Variants in NMNAT2 observed in about 807,000 individuals in gnomAD.
NMNAT2 encodes nicotinamide/nicotinic acid mononucleotide adenylyltransferase 2.
Under a neutral mutation model 41.6 loss-of-function variants are expected in NMNAT2, and 11 were observed. The observed-to-expected ratio is 0.26, with a 90% confidence interval of 0.17 to 0.44. The LOEUF (loss-of-function observed/expected upper bound fraction) is 0.44. NMNAT2 is among the 20% of genes least tolerant of loss of function. The pLI is 1.00. For synonymous variants in NMNAT2, 148 were observed against 151.2 expected (o/e 0.98, Z 0.16); for missense variants, 288 against 407.7 (o/e 0.71, Z 2.53).
rs540542117 is a variant in NMNAT2, at chr1:183,368,902, T to C, written c.85+49281A>G. Among the ~76,000 whole-genome samples the C allele has an allele frequency of 2.6e-5, 4 of 152,338 alleles. No individual in the cohort carries two copies. In the South Asian group the frequency reaches 8.3e-4, roughly 32 times the overall value. The stretch of plus-strand genomic sequence containing the variant: ...CAAAATGGGGCAATTTAGCAAGCAG[T>C]GTTCCATTTATAACCTTGCTGCTCA... On this transcript the variant is annotated intron_variant, in intron 1 of 10. Transcript: ENST00000287713.
At chr1:183,331,579 T>TGG (rs1662586301) in intron 1 of NMNAT2, among the ~76,000 whole-genome samples, 1 of 152,188 alleles carries the variant, frequency 6.6e-6, no homozygotes, top group Non-Finnish European at 1.5e-5. Context: ...CCTGCCTTTC[T>TGG]GGGGGCTCCC....
chr1:183,418,232 G>T lies in NMNAT2; in HGVS notation c.36C>A (p.Leu12=), dbSNP rs1649309071. ...TETTKTHVIL[L]ACGSFNPITK... The stretch of plus-strand genomic sequence containing the variant: ...TGATGGGATTGAAGCTGCCGCAGGC[G>T]AGCAAGATAACGTGGGTCTTGGTGG... Residue 12 remains leucine, a synonymous_variant, in exon 1 of 11, where the codon CTC becomes CTA. Transcript: ENST00000287713. 6.2e-7 allele frequency: 1 copy of T among 1,614,116 alleles called. No individual in the cohort carries two copies. Among genetic ancestry groups the T allele is most frequent in the African/African-American group, 1.3e-5 (1 of 75,010 alleles).
At chr1:183,404,099 A>ATTTTT (rs10655990) in intron 1 of NMNAT2, among the ~76,000 whole-genome samples, 3 of 138,494 alleles carry the variant, frequency 2.2e-5, no homozygotes, top group Non-Finnish European at 3.1e-5. Context: ...CAGAAATGTA[A>ATTTTT]TTTTTTTTTT....
intron 10 of NMNAT2, among the ~76,000 whole-genome samples, chr1:183,256,090 C>T (rs573951697): frequency 6.6e-6 from 1 of 152,156 alleles, no homozygotes; most frequent in South Asian, 2.1e-4. Context: ...ATAATGTTAG[C>T]TGTGGGTTTT....
chr1:183,383,371 T>C (rs546411418), intron 1 of NMNAT2, among the ~76,000 whole-genome samples: 2 of 152,344 alleles, frequency 1.3e-5, no homozygotes, highest in East Asian at 3.9e-4. Flanking sequence ...AATTTTCCCA[T>C]TATCTTGGCT....
chr1:183,399,797 A>G (rs1363511877), intron 1 of NMNAT2, among the ~76,000 whole-genome samples: 1 of 152,212 alleles, frequency 6.6e-6, no homozygotes, highest in African/African-American at 2.4e-5. Flanking sequence ...TATAAACAGA[A>G]CCAAAGACAA....
intron 5 of NMNAT2, among the ~76,000 whole-genome samples, chr1:183,285,820 A>C (rs1439844072): frequency 2.6e-5 from 4 of 152,216 alleles, no homozygotes; most frequent in African/African-American, 7.2e-5. Context: ...GCATTAAATA[A>C]GAACGCAGGT....
At position 183,261,974 on chromosome 1, in the gene NMNAT2, G is replaced by A. The variant is rs117098104; in HGVS notation, c.652-671C>T. Reference sequence around the variant, plus strand: ...ATGGTCTCAGTCTGTCACCCAGGCTGGAGTGCAGTGGCAAGATCATGGCTC... The same window carrying A: ...ATGGTCTCAGTCTGTCACCCAGGCTAGAGTGCAGTGGCAAGATCATGGCTC... On this transcript the variant is annotated intron_variant, in intron 8 of 10. Coordinates refer to ENST00000287713, the MANE Select transcript of NMNAT2 (RefSeq NM_015039.4). 2.0e-5 allele frequency among the ~76,000 whole-genome samples: 3 copies of A among 152,062 alleles called. No individual in the cohort carries two copies. The East Asian group carries it at 5.8e-4, about 29-fold the overall frequency.
chr1:183,395,178 G>A (rs745870375), intron 1 of NMNAT2, among the ~76,000 whole-genome samples: 3 of 152,112 alleles, frequency 2.0e-5, no homozygotes, highest in Admixed American at 6.5e-5. Flanking sequence ...TGAAAGGATA[G>A]GCTATAACCT....
In NMNAT2 at chr1:183,303,522, T is replaced by C. The variant is rs149846069; in HGVS notation, c.86-9729A>G. Among the ~76,000 whole-genome samples the C allele has an allele frequency of 7.9e-4, 121 of 152,328 alleles. 3 individuals carry two copies. In the East Asian group the frequency reaches 0.022, roughly 27 times the overall value. On this transcript the variant is annotated intron_variant, in intron 1 of 10. Coordinates refer to ENST00000287713, the MANE Select transcript of NMNAT2 (RefSeq NM_015039.4). ...AGGAAGTGGCTTTTGGAATTTGAAG[T>C]GGGATTTGAACACAGAATTTTTGAC...
chr1:183,325,766 T>G (rs1317713250), intron 1 of NMNAT2, among the ~76,000 whole-genome samples: 1 of 152,148 alleles, frequency 6.6e-6, no homozygotes, highest in Non-Finnish European at 1.5e-5. Context: ...CAAACAATAG[T>G]GAAATCATGT....
rs71127343 is a variant in NMNAT2, at chr1:183,337,569, C to CAAAAA, written c.86-43781_86-43777dup. Reference sequence around the variant, plus strand: ...AATCTTAACCACCTCCTCTCCACAGCAAAAAAAAAAAAAAAAAAAATACCA... The same window carrying CAAAAA: ...AATCTTAACCACCTCCTCTCCACAGCAAAAAAAAAAAAAAAAAAAAAAAAATACCA... On this transcript the variant is annotated intron_variant, in intron 1 of 10. Transcript: ENST00000287713. 1.2e-3 allele frequency among the ~76,000 whole-genome samples: 124 copies of CAAAAA among 100,536 alleles called. 4 individuals are homozygous for CAAAAA. The highest frequency in any genetic ancestry group is 0.012 in the Middle Eastern group (2 of 168). 66.0% of individuals were successfully genotyped at this position (100,536 alleles called of 152,430 possible).
chr1:183,271,651 GCAAGTGCC>G (rs756295725), intron 8 of NMNAT2, among the ~76,000 whole-genome samples: 2 of 152,084 alleles, frequency 1.3e-5, no homozygotes, highest in Non-Finnish European at 2.9e-5. Flanking sequence ...CTTTTAGACT[GCAAGTGCC>G]TCAAGGATAA....
chr1:183,378,365 GC>G (rs1324826480), intron 1 of NMNAT2, among the ~76,000 whole-genome samples: 1 of 151,508 alleles, frequency 6.6e-6, no homozygotes, highest in Non-Finnish European at 1.5e-5. Flanking sequence ...TTGCACTCCA[GC>G]CTGGGCAACA....
intron 1 of NMNAT2, among the ~76,000 whole-genome samples, chr1:183,341,191 G>A (rs595742): frequency 0.71 from 107,029 of 151,576 alleles, 37,912 homozygotes; most frequent in East Asian, 0.9. Context: ...TTGGTAGATT[G>A]AGCGCTGCGA....
chr1:183,384,277 T>C (rs749841754), intron 1 of NMNAT2, among the ~76,000 whole-genome samples: 2 of 152,212 alleles, frequency 1.3e-5, no homozygotes, highest in Non-Finnish European at 2.9e-5. Flanking sequence ...CTCAGCTCAC[T>C]GCAACCTCTG....
At chr1:183,364,623 C>T (rs1455890781) in intron 1 of NMNAT2, among the ~76,000 whole-genome samples, 1 of 122,622 alleles carries the variant, frequency 8.2e-6, no homozygotes, top group Non-Finnish European at 1.8e-5. Flanking sequence ...TAAGTAGAAG[C>T]TGCAGGGATA....
At chr1:183,360,872 T>G (rs1159157880) in intron 1 of NMNAT2, among the ~76,000 whole-genome samples, 1 of 152,216 alleles carries the variant, frequency 6.6e-6, no homozygotes, top group Non-Finnish European at 1.5e-5. Context: ...AGCTGTGTTG[T>G]TTTTTATTTT....
chr1:183,265,740 C>T (rs747668088), intron 8 of NMNAT2, among the ~76,000 whole-genome samples: 9 of 152,204 alleles, frequency 5.9e-5, no homozygotes, highest in Non-Finnish European at 1.0e-4. Context: ...CTGGTCCAAG[C>T]CTCTTCTGTT....
Sources: allele counts gnomAD v4.1 joint callset (sites outside exome capture counted in the v4.1 genomes callset), GRCh38; gene constraint gnomAD v4.1.1; transcripts MANE v1.5; gene names NCBI Gene and HGNC (gene_info 2026-07-23, HGNC 2026-07-21).